AOX1: variants seen among roughly 807,000 people sequenced by gnomAD.
AOX1 encodes the protein aldehyde oxidase.
Under a neutral mutation model 169.5 loss-of-function variants are expected in AOX1, and 153 were observed. That is an observed-to-expected ratio of 0.90 (90% confidence interval 0.79 to 1.03). The LOEUF is 1.03. AOX1 is among the 50% of genes least tolerant of loss of function. The probability of loss-of-function intolerance (pLI) is 0.00; values close to 1 mark genes in which losing one functional copy is unlikely to be tolerated. For missense variants in AOX1, 1,656 were observed against 1,663.9 expected, an observed-to-expected ratio of 1.00 and a Z score of 0.08; for synonymous variants, 562 against 581.9, an observed-to-expected ratio of 0.97 and a Z score of 0.49.
chr2:200,640,987 C>T, intron 23 of AOX1, 111 bp from the exon 24 acceptor site: 1 of 706,154 alleles, frequency 1.4e-6, no homozygotes, highest in Non-Finnish European at 2.5e-6. Flanking sequence ...GAAATCACTG[C>T]CAAATCCAAT....
rs746857326 is a variant in AOX1, at chr2:200,615,921, T to C, written c.1612-50T>C. On this transcript the variant is annotated intron_variant, in intron 15 of 34. Coordinates refer to ENST00000374700, the MANE Select transcript of AOX1 (RefSeq NM_001159.4). The stretch of plus-strand genomic sequence containing the variant: ...ATGCTAGCCTCACTTCCAAAATCAT[T>C]CTGGTGCATTCAAACTATTTAAAAT... 8.7e-6 allele frequency: 12 copies of C among 1,378,186 alleles called. No homozygotes were observed. In the South Asian group the frequency reaches 1.3e-4, roughly 15 times the overall value. 85.4% of individuals were successfully genotyped at this position (1,378,186 alleles called of 1,614,324 possible).
downstream of AOX1, among the ~76,000 whole-genome samples, chr2:200,680,850 G>A (rs893834248): frequency 6.6e-6 from 1 of 152,070 alleles, no homozygotes; most frequent in Admixed American, 6.6e-5. Flanking sequence ...ACCCAGCCAG[G>A]GCCAAGTTTT....
chr2:200,634,940 G>A, intron 21 of AOX1, 25 bp downstream of exon 21: 2 of 1,609,302 alleles, frequency 1.2e-6, no homozygotes, highest in Non-Finnish European at 8.5e-7. Flanking sequence ...TTGTGGAGAG[G>A]ACATGGCTAA....
At chr2:200,633,119 G>A (rs1454559122) in intron 20 of AOX1, among the ~76,000 whole-genome samples, 1 of 151,976 alleles carries the variant, frequency 6.6e-6, no homozygotes, top group African/African-American at 2.4e-5. Flanking sequence ...TTCTCCTATA[G>A]ATGAAGTAGT....
chr2:200,648,630 T>A (rs1174629546), intron 25 of AOX1, among the ~76,000 whole-genome samples: 1 of 152,154 alleles, frequency 6.6e-6, no homozygotes, highest in East Asian at 1.9e-4. Flanking sequence ...GGATTGGCGG[T>A]GGGCAGGGCC....
chr2:200,596,204 A>G (rs2034280616), intron 3 of AOX1, among the ~76,000 whole-genome samples: 1 of 152,244 alleles, frequency 6.6e-6, no homozygotes, highest in African/African-American at 2.4e-5. Flanking sequence ...GTTCCACACC[A>G]AACTACCTGC....
At chr2:200,601,667 C>A (rs2034416533) in intron 5 of AOX1, among the ~76,000 whole-genome samples, 1 of 152,000 alleles carries the variant, frequency 6.6e-6, no homozygotes, top group South Asian at 2.1e-4. Flanking sequence ...CACAGTGGCT[C>A]ACGCCTGTAA....
chr2:200,623,261 C>T (rs559166815), intron 18 of AOX1, among the ~76,000 whole-genome samples: 26 of 152,314 alleles, frequency 1.7e-4, no homozygotes, highest in African/African-American at 6.3e-4. Context: ...TGTGTGAACT[C>T]CTGAGCCTAG....
intron 20 of AOX1, 62 bp from the exon 21 acceptor site, chr2:200,634,729 T>C (rs2035196055): frequency 1.9e-6 from 3 of 1,600,712 alleles, no homozygotes; most frequent in South Asian, 2.2e-5. Context: ...GGATAATACC[T>C]GGGGGACGCT....
chr2:200,631,204 A>G (rs949254003), intron 20 of AOX1, among the ~76,000 whole-genome samples: 27 of 152,160 alleles, frequency 1.8e-4, no homozygotes, highest in African/African-American at 4.8e-4. Context: ...AAAGATTACC[A>G]TTTTCAAATG....
At position 200,663,570 on chromosome 2, in the gene AOX1, A is replaced by ACT. The variant is rs1231363640; in HGVS notation, c.3543+602_3543+603insTC. On this transcript the variant is annotated intron_variant, in intron 31 of 34. Coordinates refer to ENST00000374700, the MANE Select transcript of AOX1 (RefSeq NM_001159.4). ...AACACACACACACACACACACACAC[A>ACT]CACTCTCTCTCTCTCTCTCTCTCTC... Among the ~76,000 whole-genome samples, 922 of 123,598 alleles carry ACT rather than the reference A, an allele frequency of 7.5e-3. 2 individuals are homozygous for ACT. The highest frequency in any genetic ancestry group is 0.012 in the Non-Finnish European group (663 of 57,068). 81.1% of individuals were successfully genotyped at this position (123,598 alleles called of 152,430 possible). A position where few individuals can be genotyped will look rare whatever the true frequency, so the allele number is the denominator to read the frequency against.
At chr2:200,660,128 AAG>A in intron 29 of AOX1, 59 bp downstream of exon 29, 1 of 1,352,662 alleles carries the variant, frequency 7.4e-7, no homozygotes. Context: ...GGAGGAGAGC[AAG>A]AGCAATGTGC....
intron 20 of AOX1, among the ~76,000 whole-genome samples, chr2:200,628,083 T>C (rs1239983189): frequency 6.6e-6 from 1 of 152,204 alleles, no homozygotes; most frequent in Non-Finnish European, 1.5e-5. Context: ...GTACAATTCC[T>C]TAACTTTTGG....
rs374847145 is a variant in AOX1, at chr2:200,642,670, C to T, written c.2716C>T (p.Arg906Trp). ...NAYKFPNLRC[R>W]GWACRTNLPS... is the part of the protein sequence containing the mutation. ...TTACAAGTTTCCCAATCTCCGCTGC[C>T]GGGGTTGGGCATGCAGAACCAACCT... Residue 906 changes from arginine (R) to tryptophan (W), a missense_variant, in exon 25 of 35, where the codon CGG (arginine) becomes TGG (tryptophan). Physicochemically the swap from Arg to Trp is moderately radical, Grantham distance 101. Coordinates refer to ENST00000374700, the MANE Select transcript of AOX1 (RefSeq NM_001159.4). The T allele has an allele frequency of 1.3e-5, 21 of 1,613,966 alleles. No homozygotes were observed. The highest frequency in any genetic ancestry group is 7.7e-5 in the South Asian group (7 of 91,086).
intron 26 of AOX1, among the ~76,000 whole-genome samples, chr2:200,651,433 T>C (rs1345200221): frequency 1.3e-5 from 2 of 152,040 alleles, no homozygotes; most frequent in Admixed American, 6.5e-5. Flanking sequence ...TTGCTGGAAA[T>C]TGGGAGACTG....
intron 22 of AOX1, 51 bp downstream of exon 22, chr2:200,637,095 T>C (rs1338063364): frequency 6.2e-7 from 1 of 1,606,396 alleles, no homozygotes; most frequent in Non-Finnish European, 8.5e-7. Flanking sequence ...CTGAAAGTTC[T>C]CACTGTCAGA....
At chr2:200,611,927 AT>A (rs2105709837) in intron 13 of AOX1, among the ~76,000 whole-genome samples, 1 of 152,098 alleles carries the variant, frequency 6.6e-6, no homozygotes, top group African/African-American at 2.4e-5. Flanking sequence ...CTGGTCTGGA[AT>A]TCCTGACCTC....
At chr2:200,588,207 G>A (rs2034078404) in intron 1 of AOX1, 2 of 152,626 alleles carry the variant, frequency 1.3e-5, no homozygotes, top group South Asian at 2.1e-4. Context: ...TGAGGAGCAA[G>A]CCATGCAAAC....
Position 200,603,361 on chromosome 2 carries a change from G to A in AOX1, c.588+5G>A. The A allele has an allele frequency of 8.1e-6, 13 of 1,610,632 alleles. No homozygotes were observed. The highest frequency in any genetic ancestry group is 1.1e-5 in the Non-Finnish European group (13 of 1,177,056). On this transcript the variant is annotated splice_donor_5th_base_variant and intron_variant, in intron 7 of 34. Coordinates refer to ENST00000374700, the MANE Select transcript of AOX1 (RefSeq NM_001159.4). ...GAATTTGAGGAAGGAAGTAAGGTCA[G>A]TGAAATGTAAAGCTTTTATAAGGCT...
Sources: gnomAD v4.1 joint callset for allele counts (sites outside exome capture counted in the v4.1 genomes callset) on GRCh38, gnomAD v4.1.1 for gene constraint, MANE v1.5 for transcripts, NCBI Gene and HGNC (gene_info 2026-07-23, HGNC 2026-07-21) for gene names.